Variants in PPP1R14C observed in about 807,000 individuals in gnomAD.
PPP1R14C encodes the protein protein phosphatase 1 regulatory inhibitor subunit 14C.
A neutral mutation model predicts 20.4 loss-of-function variants in PPP1R14C; 16 were observed. That is an observed-to-expected ratio of 0.78 (90% confidence interval 0.53 to 1.19). The LOEUF is 1.19. Among genes scored for constraint, PPP1R14C ranks in the 50% most tolerant of loss-of-function variants. The pLI, the probability that PPP1R14C is intolerant of heterozygous loss-of-function variation, is 0.00. For synonymous variants in PPP1R14C, 91 were observed against 91.0 expected, an observed-to-expected ratio of 1.00 and a Z score of 0.00; for missense variants, 211 against 220.1, an observed-to-expected ratio of 0.96 and a Z score of 0.26.
At chr6:150,182,742 G>A (rs932091286) in intron 1 of PPP1R14C, among the ~76,000 whole-genome samples, 1 of 152,172 alleles carries the variant, frequency 6.6e-6, no homozygotes, top group Admixed American at 6.5e-5. Context: ...AGGTACAATA[G>A]CCAGCCATGC....
At chr6:150,229,112 G>A (rs1778263161) in intron 3 of PPP1R14C, among the ~76,000 whole-genome samples, 2 of 151,954 alleles carry the variant, frequency 1.3e-5, no homozygotes, top group South Asian at 4.1e-4. Context: ...ACAAAAGAAA[G>A]AATATAAAAT....
intron 1 of PPP1R14C, among the ~76,000 whole-genome samples, chr6:150,200,810 G>T (rs1777867738): frequency 6.6e-6 from 1 of 152,172 alleles, no homozygotes; most frequent in Non-Finnish European, 1.5e-5. Context: ...TGCCTCACAA[G>T]GAGTGTGGTC....
chr6:150,197,434 G>A (rs1777818617), intron 1 of PPP1R14C, among the ~76,000 whole-genome samples: 1 of 152,248 alleles, frequency 6.6e-6, no homozygotes, highest in South Asian at 2.1e-4. Flanking sequence ...GCATGGAGAG[G>A]TAAGAAATGT....
At chr6:150,239,051 GA>G (rs1778401760) in intron 3 of PPP1R14C, among the ~76,000 whole-genome samples, 1 of 152,044 alleles carries the variant, frequency 6.6e-6, no homozygotes, top group Non-Finnish European at 1.5e-5. Flanking sequence ...ATTAGCCAGG[GA>G]CTGAAACTTC....
intron 3 of PPP1R14C, among the ~76,000 whole-genome samples, chr6:150,231,837 G>C (rs1032112458): frequency 1.3e-5 from 2 of 152,038 alleles, no homozygotes; most frequent in Admixed American, 6.6e-5. Context: ...TTTTATTACT[G>C]TATAGTATTT....
chr6:150,212,038 G>T (rs1015010641), intron 1 of PPP1R14C, among the ~76,000 whole-genome samples: 1 of 152,178 alleles, frequency 6.6e-6, no homozygotes, highest in Admixed American at 6.5e-5. Flanking sequence ...TGGGTAGTAG[G>T]AGTGACCTTG....
At chr6:150,239,402 A>G (rs147520683) in intron 3 of PPP1R14C, among the ~76,000 whole-genome samples, 57 of 152,382 alleles carry the variant, frequency 3.7e-4, no homozygotes, top group Non-Finnish European at 7.5e-4. Context: ...GTGGAATTAC[A>G]TTAGAAATAA....
intron 1 of PPP1R14C, among the ~76,000 whole-genome samples, chr6:150,209,572 GTA>G (rs1193358858): frequency 6.6e-6 from 1 of 151,754 alleles, no homozygotes; most frequent in Non-Finnish European, 1.5e-5. Flanking sequence ...TCATCTGTGT[GTA>G]TGTTTGTGTA....
At chr6:150,167,039 T>G (rs1294319163) in intron 1 of PPP1R14C, among the ~76,000 whole-genome samples, 1 of 151,946 alleles carries the variant, frequency 6.6e-6, no homozygotes, top group East Asian at 1.9e-4. Context: ...AAAAACAGCC[T>G]GGCCAACATG....
At chr6:150,228,782 C>T (rs1778259165) in intron 3 of PPP1R14C, among the ~76,000 whole-genome samples, 1 of 152,100 alleles carries the variant, frequency 6.6e-6, no homozygotes, top group African/African-American at 2.4e-5. Context: ...TTTCACTATA[C>T]ACTCTTAGAA....
At chr6:150,241,557 C>T (rs368735769) in intron 3 of PPP1R14C, among the ~76,000 whole-genome samples, 15 of 152,198 alleles carry the variant, frequency 9.9e-5, no homozygotes, top group African/African-American at 3.1e-4. Context: ...GACTTTAACC[C>T]GTAGCATCTA....
Position 150,174,471 on chromosome 6 carries a change from C to T in PPP1R14C, c.306+30973C>T, listed in dbSNP as rs532990466. Among the ~76,000 whole-genome samples the T allele has an allele frequency of 5.6e-3, 856 of 151,922 alleles. 13 individuals carry two copies. Among genetic ancestry groups the T allele is most frequent in the African/African-American group, 0.02 (812 of 41,464 alleles). ...GACCTTGTGATCCGCCCACCTTGGC[C>T]TCCCAAAGTGCTGGGATTACAGGCG... On this transcript the variant is annotated intron_variant, in intron 1 of 3. Coordinates refer to ENST00000361131, the MANE Select transcript of PPP1R14C (RefSeq NM_030949.3).
intron 1 of PPP1R14C, among the ~76,000 whole-genome samples, chr6:150,167,523 A>G (rs1777437069): frequency 6.6e-6 from 1 of 152,120 alleles, no homozygotes; most frequent in Non-Finnish European, 1.5e-5. Context: ...CATTTCTAAC[A>G]AGTTTGGTTT....
chr6:150,183,940 G>A (rs1777649462), intron 1 of PPP1R14C, among the ~76,000 whole-genome samples: 1 of 152,244 alleles, frequency 6.6e-6, no homozygotes, highest in African/African-American at 2.4e-5. Flanking sequence ...TTGCTATGGT[G>A]TAACGCTTAC....
Position 150,185,898 on chromosome 6 carries a change from C to T in PPP1R14C, c.307-28846C>T, listed in dbSNP as rs929603909. On this transcript the variant is annotated intron_variant, in intron 1 of 3. Transcript: ENST00000361131. The surrounding 1 kb of genome is among the most constrained non-coding windows in gnomAD (Gnocchi z 4.1). ...ACTAGCAAGGCAGGCAAGGGTCAGG[C>T]GTGGCACCTATCGGCTCCTAAAGCC... Among the ~76,000 whole-genome samples the T allele has an allele frequency of 4.6e-5, 7 of 152,150 alleles. No individual in the cohort carries two copies. The highest frequency in any genetic ancestry group is 2.1e-4 in the South Asian group (1 of 4,822).
intron 3 of PPP1R14C, among the ~76,000 whole-genome samples, chr6:150,238,417 C>T (rs1778389291): frequency 6.6e-6 from 1 of 152,236 alleles, no homozygotes; most frequent in South Asian, 2.1e-4. Context: ...GGAGCTGGCC[C>T]TTCCAGAGCA....
intron 3 of PPP1R14C, among the ~76,000 whole-genome samples, chr6:150,238,949 T>C (rs900342950): frequency 2.7e-5 from 4 of 148,316 alleles, no homozygotes; most frequent in African/African-American, 9.9e-5. Flanking sequence ...GGTTTCCTTC[T>C]TTTTTTTTTG....
intron 1 of PPP1R14C, among the ~76,000 whole-genome samples, chr6:150,161,295 AAAAAG>A (rs1178629589): frequency 6.6e-6 from 1 of 152,124 alleles, no homozygotes; most frequent in Non-Finnish European, 1.5e-5. Context: ...AAGACGAAGA[AAAAAG>A]AAAAGAAAAG....
At chr6:150,170,110 G>C (rs2114868272) in intron 1 of PPP1R14C, among the ~76,000 whole-genome samples, 1 of 152,282 alleles carries the variant, frequency 6.6e-6, no homozygotes, top group Non-Finnish European at 1.5e-5. Flanking sequence ...TTCTAACAAG[G>C]CTTCAAGGAA....
Sources: allele counts gnomAD v4.1 joint callset (sites outside exome capture counted in the v4.1 genomes callset), GRCh38; gene constraint gnomAD v4.1.1; non-coding constraint Gnocchi (gnomAD v3.1); transcripts MANE v1.5; gene names NCBI Gene and HGNC (gene_info 2026-07-23, HGNC 2026-07-21).